PIK3R3: variants seen among roughly 807,000 people sequenced by gnomAD.
PIK3R3 encodes the protein phosphoinositide-3-kinase regulatory subunit 3.
PIK3R3 carries 64 observed loss-of-function variants against 62.9 expected under a neutral mutation model. The observed-to-expected ratio is 1.02, with a 90% CI of 0.83 to 1.25. The LOEUF (loss-of-function observed/expected upper bound fraction) is 1.25. Among genes scored for constraint, PIK3R3 ranks in the 50% most tolerant of loss-of-function variants. PIK3R3 has a pLI of 0.00. For missense variants in PIK3R3, 614 were observed against 561.6 expected (o/e 1.09, Z -0.94); for synonymous variants, 165 against 189.0 (o/e 0.87, Z 1.04).
intron 1 of PIK3R3, among the ~76,000 whole-genome samples, chr1:46,083,950 C>A (rs1650840603): frequency 6.6e-6 from 1 of 152,134 alleles, no homozygotes; most frequent in South Asian, 2.1e-4. Context: ...CATGTATCTA[C>A]ACAAAAACTT....
At chr1:46,097,611 G>T (rs1463442590) in intron 1 of PIK3R3, among the ~76,000 whole-genome samples, 1 of 151,214 alleles carries the variant, frequency 6.6e-6, no homozygotes, top group Admixed American at 6.6e-5. Flanking sequence ...CCAGGGGCTG[G>T]GCGTGGTGGC....
Position 46,043,593 on chromosome 1 carries a change from T to C in PIK3R3, c.*80A>G. The C allele has an allele frequency of 2.4e-6, 3 of 1,236,402 alleles. No homozygotes were observed. The highest frequency in any genetic ancestry group is 3.5e-6 in the Non-Finnish European group (3 of 847,790). 76.6% of individuals were successfully genotyped at this position (1,236,402 alleles called of 1,614,324 possible). On this transcript the variant is annotated 3_prime_UTR_variant, in exon 10 of 10. Transcript: ENST00000262741. ...TCTTGTGCAAAACAAGCAGTCTATG[T>C]AGAAAGAATGCCCTCATCGTAGTCT... is the stretch of plus-strand genomic sequence containing the variant.
intron 7 of PIK3R3, among the ~76,000 whole-genome samples, chr1:46,054,810 A>C (rs1324191771): frequency 6.6e-6 from 1 of 152,230 alleles, no homozygotes; most frequent in Non-Finnish European, 1.5e-5. Context: ...TAAATTATAT[A>C]GTTTTCCCTC....
chr1:46,056,038 A>T, intron 6 of PIK3R3, 67 bp from the exon 7 acceptor site: 2 of 1,044,882 alleles, frequency 1.9e-6, no homozygotes, highest in Admixed American at 2.6e-5. Flanking sequence ...CTGGGTGAGC[A>T]CGGTCCTAAT....
intron 1 of PIK3R3, among the ~76,000 whole-genome samples, chr1:46,101,980 CTTT>C (rs538688681): frequency 1.1e-5 from 1 of 89,928 alleles, no homozygotes; most frequent in Non-Finnish European, 2.0e-5. Context: ...GAATTGTATA[CTTT>C]TTTTTTTTTT....
rs1655708575 is a variant in PIK3R3, at chr1:46,132,535, C to G, written c.-583G>C. Reference sequence around the variant, plus strand: ...GCTGCCGCAGCCTCGGGAATGGGGCCGGCCGGAGAAGTCCAGTCAGCTCGG... The same window carrying G: ...GCTGCCGCAGCCTCGGGAATGGGGCGGGCCGGAGAAGTCCAGTCAGCTCGG... On this transcript the variant is annotated 5_prime_UTR_variant, in exon 1 of 10. Transcript: ENST00000262741. 4 of 1,251,250 alleles carry G rather than the reference C, an allele frequency of 3.2e-6. No homozygotes were observed. Among genetic ancestry groups the G allele is most frequent in the African/African-American group, 1.5e-5 (1 of 64,908 alleles). 77.5% of individuals were successfully genotyped at this position (1,251,250 alleles called of 1,614,324 possible).
At chr1:46,100,164 A>G (rs1019356716) in intron 1 of PIK3R3, among the ~76,000 whole-genome samples, 2 of 152,186 alleles carry the variant, frequency 1.3e-5, no homozygotes, top group Non-Finnish European at 2.9e-5. Flanking sequence ...CATATTTATC[A>G]ATCTTTTTCT....
intron 1 of PIK3R3, among the ~76,000 whole-genome samples, chr1:46,084,155 A>C (rs77827501): frequency 6.6e-6 from 1 of 152,246 alleles, no homozygotes; most frequent in East Asian, 1.9e-4. Context: ...GAGTGAAAGA[A>C]GCCTGTCATG....
chr1:46,172,366 C>T, the PIK3R3 span, among the ~76,000 whole-genome samples: 15 of 152,110 alleles, frequency 9.9e-5, no homozygotes, highest in East Asian at 1.9e-4. Context: ...CAGTAGCTCA[C>T]GTCTGTAATC....
intron 7 of PIK3R3, among the ~76,000 whole-genome samples, chr1:46,050,026 C>T (rs944049212): frequency 6.7e-6 from 1 of 148,554 alleles, no homozygotes; most frequent in Non-Finnish European, 1.5e-5. Flanking sequence ...GAGGCTGATG[C>T]AGGAGAAGTG....
Position 46,044,649 on chromosome 1 carries a change from AT to A in PIK3R3, c.1188-779del, listed in dbSNP as rs1166378852. 3.3e-5 allele frequency among the ~76,000 whole-genome samples: 5 copies of A among 152,106 alleles called. No homozygotes were observed. Among genetic ancestry groups the A allele is most frequent in the South Asian group, 4.2e-4 (2 of 4,816 alleles). On this transcript the variant is annotated intron_variant, in intron 9 of 9. Transcript: ENST00000262741. This position sits in a 1 kb window ranked among gnomAD's most constrained non-coding sequence, Gnocchi z 4.2. ...CAATGCACTTTTCAACTCCTCCCCCATTTTCTGCCCATAAGACATCCCATTC... is the reference window on the plus strand; with the variant it reads ...CAATGCACTTTTCAACTCCTCCCCCATTTCTGCCCATAAGACATCCCATTC...
intron 3 of PIK3R3, among the ~76,000 whole-genome samples, chr1:46,068,636 G>GGAGC (rs1649217382): frequency 6.6e-6 from 1 of 152,166 alleles, no homozygotes; most frequent in Non-Finnish European, 1.5e-5. Flanking sequence ...GTGAAGTGAG[G>GGAGC]GAGCTAGTAC....
the PIK3R3 span, among the ~76,000 whole-genome samples, chr1:46,146,338 A>G: frequency 2.0e-5 from 3 of 152,198 alleles, no homozygotes; most frequent in Non-Finnish European, 4.4e-5. Context: ...ATTTTGGTCA[A>G]TCACTGTGAC....
At chr1:46,082,500 ATAG>A (rs1571440995) in intron 1 of PIK3R3, among the ~76,000 whole-genome samples, 2 of 152,216 alleles carry the variant, frequency 1.3e-5, no homozygotes, top group East Asian at 3.8e-4. Context: ...TGAGTATGAC[ATAG>A]TAGTAGTACA....
chr1:46,109,489 T>A (rs1328812036), intron 1 of PIK3R3, among the ~76,000 whole-genome samples: 4 of 152,084 alleles, frequency 2.6e-5, no homozygotes, highest in Non-Finnish European at 5.9e-5. Context: ...GGTTTTTTGT[T>A]TTGTTTTTTT....
chr1:46,108,052 T>C (rs1178307972), intron 1 of PIK3R3, among the ~76,000 whole-genome samples: 1 of 152,228 alleles, frequency 6.6e-6, no homozygotes, highest in Non-Finnish European at 1.5e-5. Context: ...TTCATGTGAA[T>C]AGGTGTGACC....
rs1389333380 is a variant in PIK3R3 at position 46,132,010 on chromosome 1, G to T, written c.-58C>A. The stretch of plus-strand genomic sequence containing the variant: ...ATAGAAGGCATATATTTTTTATCTG[G>T]TATTTAAAAATCTAAAAATATATAT... On this transcript the variant is annotated 5_prime_UTR_variant, in exon 1 of 10. Coordinates refer to ENST00000262741, the MANE Select transcript of PIK3R3 (RefSeq NM_003629.4). 6.3e-7 allele frequency: 1 copy of T among 1,579,302 alleles called. No individual in the cohort carries two copies. Among genetic ancestry groups the T allele is most frequent in the Non-Finnish European group, 8.6e-7 (1 of 1,167,994 alleles).
rs199519063 is a variant in PIK3R3, at chr1:46,129,414, T to G, written c.106+2433A>C. Among the ~76,000 whole-genome samples the G allele has an allele frequency of 6.5e-3, 985 of 150,764 alleles. 15 individuals carry two copies. The highest frequency in any genetic ancestry group is 0.034 in the East Asian group (170 of 5,038). On this transcript the variant is annotated intron_variant, in intron 1 of 9. Transcript: ENST00000262741. ...GCAATTGGGGGATTTTATTTATTTATTTATTTATTTATTTATTTATTTATT... is the reference window on the plus strand; with the variant it reads ...GCAATTGGGGGATTTTATTTATTTAGTTATTTATTTATTTATTTATTTATT...
At chr1:46,136,867 A>G (rs1655953769), upstream of PIK3R3, among the ~76,000 whole-genome samples, 1 of 152,196 alleles carries the variant, frequency 6.6e-6, no homozygotes. Context: ...CCCTCCAACA[A>G]GGCAACAGAT....
Sources: gnomAD v4.1 joint callset for allele counts (sites outside exome capture counted in the v4.1 genomes callset) on GRCh38, gnomAD v4.1.1 for gene constraint, Gnocchi (gnomAD v3.1) non-coding constraint, MANE v1.5 for transcripts, NCBI Gene and HGNC (gene_info 2026-07-23, HGNC 2026-07-21) for gene names.